The following ERC2 variants were observed in gnomAD, a reference collection of about 807,000 sequenced individuals.
The protein encoded by ERC2 is ERC protein 2.
Under a neutral mutation model 114.8 loss-of-function variants are expected in ERC2, and 42 were observed. The ratio of observed to expected loss-of-function variants is 0.37; its 90% CI spans 0.29 to 0.47. The LOEUF (loss-of-function observed/expected upper bound fraction) is 0.47, where lower values mean the gene tolerates loss of function less well. Among genes scored for constraint, ERC2 ranks in the 20% least tolerant of loss-of-function variants. The pLI is 0.99. For missense variants in ERC2, 939 were observed against 1,150.7 expected (o/e 0.82, Z 2.66); for synonymous variants, 454 against 425.5 (o/e 1.07, Z -0.82).
chr3:56,183,619 C>T (rs2083417735), intron 3 of ERC2, among the ~76,000 whole-genome samples: 2 of 152,230 alleles, frequency 1.3e-5, no homozygotes, highest in African/African-American at 4.8e-5. Flanking sequence ...AATACACTGT[C>T]ACTGGGTCTA....
intron 13 of ERC2, among the ~76,000 whole-genome samples, chr3:55,929,473 A>T (rs964562519): frequency 6.6e-6 from 1 of 152,150 alleles, no homozygotes; most frequent in African/African-American, 2.4e-5. Flanking sequence ...TCTTCCTTGC[A>T]TGCCCACTTT....
chr3:55,941,599 C>T (rs2066800540), intron 13 of ERC2, among the ~76,000 whole-genome samples: 1 of 152,168 alleles, frequency 6.6e-6, no homozygotes, highest in Admixed American at 6.5e-5. Flanking sequence ...CTCAATTTCC[C>T]AGGGAACACA....
intron 15 of ERC2, among the ~76,000 whole-genome samples, chr3:55,704,031 G>T (rs539609752): frequency 2.0e-5 from 3 of 152,268 alleles, no homozygotes; most frequent in African/African-American, 7.2e-5. Context: ...CTAGCGTTTG[G>T]GGGAGCAGGA....
chr3:56,111,356 T>TCTCCCTCAATCTCTCC (rs1251301400), intron 6 of ERC2, among the ~76,000 whole-genome samples: 2 of 151,086 alleles, frequency 1.3e-5, no homozygotes, highest in Non-Finnish European at 3.0e-5. Context: ...TCAATCTCTC[T>TCTCCCTCAATCTCTCC]CTCCCTCAAT....
chr3:55,601,875 G>A (rs368048013), intron 17 of ERC2, among the ~76,000 whole-genome samples: 14 of 152,128 alleles, frequency 9.2e-5, no homozygotes, highest in Admixed American at 7.9e-4. Flanking sequence ...AAAGTCCATC[G>A]GACAGGAACA....
intron 7 of ERC2, among the ~76,000 whole-genome samples, chr3:56,075,512 T>TTTGC (rs1207869225): frequency 6.6e-6 from 1 of 152,216 alleles, no homozygotes; most frequent in East Asian, 1.9e-4. Flanking sequence ...TTGCTTAAGG[T>TTTGC]AGCCAGAAGT....
At chr3:56,028,787 G>A (rs1161303992) in intron 7 of ERC2, among the ~76,000 whole-genome samples, 1 of 151,996 alleles carries the variant, frequency 6.6e-6, no homozygotes, top group Non-Finnish European at 1.5e-5. Flanking sequence ...TTCAAAAAAG[G>A]ATGACACTTT....
intron 14 of ERC2, among the ~76,000 whole-genome samples, chr3:55,827,342 CGGA>C (rs1315398121): frequency 2.1e-5 from 3 of 143,256 alleles, no homozygotes; most frequent in Non-Finnish European, 4.6e-5. Context: ...GAAAGAGGGA[CGGA>C]GGAGGAGATG....
chr3:56,109,505 A>G (rs904900842), intron 6 of ERC2, among the ~76,000 whole-genome samples: 1 of 152,176 alleles, frequency 6.6e-6, no homozygotes, highest in Non-Finnish European at 1.5e-5. Context: ...GTCTTAAAAT[A>G]GACTCTTGAC....
chr3:55,997,080 G>T (rs1406009014), intron 10 of ERC2, among the ~76,000 whole-genome samples: 1 of 152,134 alleles, frequency 6.6e-6, no homozygotes. Context: ...ACAAGGCAGG[G>T]AACATTCAAT....
At chr3:55,861,143 T>C (rs2062010584) in intron 14 of ERC2, among the ~76,000 whole-genome samples, 1 of 152,260 alleles carries the variant, frequency 6.6e-6, no homozygotes, top group Non-Finnish European at 1.5e-5. Flanking sequence ...TAATTAGTTC[T>C]AACTAGATCA....
chr3:56,386,453 C>A (rs1262064236), intron 2 of ERC2, among the ~76,000 whole-genome samples: 1 of 152,118 alleles, frequency 6.6e-6, no homozygotes, highest in Non-Finnish European at 1.5e-5. Flanking sequence ...GCTTCCCAAC[C>A]TGGGCGATCC....
At chr3:55,798,137 A>C (rs1465588892) in intron 14 of ERC2, among the ~76,000 whole-genome samples, 1 of 152,248 alleles carries the variant, frequency 6.6e-6, no homozygotes, top group Non-Finnish European at 1.5e-5. Flanking sequence ...GACTGAAGAC[A>C]CAGAAAGAAG....
chr3:56,129,149 T>A (rs150023994), intron 6 of ERC2, among the ~76,000 whole-genome samples: 277 of 152,338 alleles, frequency 1.8e-3, no homozygotes, highest in South Asian at 0.017. Flanking sequence ...AAAGTATATG[T>A]CTGCATGGAA....
intron 17 of ERC2, among the ~76,000 whole-genome samples, chr3:55,653,555 C>T (rs914547830): frequency 6.8e-6 from 1 of 147,344 alleles, no homozygotes; most frequent in African/African-American, 2.5e-5. Context: ...CAATCTCAAA[C>T]CTGGTAAAAG....
intron 17 of ERC2, among the ~76,000 whole-genome samples, chr3:55,514,936 C>T (rs749638224): frequency 1.3e-5 from 2 of 152,160 alleles, no homozygotes; most frequent in African/African-American, 2.4e-5. Flanking sequence ...AATGCAGCAC[C>T]ACGCTGGGTC....
chr3:56,355,594 C>T (rs761762011), intron 2 of ERC2, among the ~76,000 whole-genome samples: 12 of 152,222 alleles, frequency 7.9e-5, no homozygotes, highest in East Asian at 3.9e-4. Flanking sequence ...TTACAGCGTG[C>T]GCCACGACAC....
At position 55,585,194 on chromosome 3, in the gene ERC2, G is replaced by A. The variant is rs139073660; in HGVS notation, c.*40-73918C>T. On this transcript the variant is annotated intron_variant, in intron 17 of 17. Coordinates refer to ENST00000288221, the MANE Select transcript of ERC2 (RefSeq NM_015576.3). ...GCCTGATCTAAGACAAATAGCACCC[G>A]GTTTGGCCTCCACAGCTGTTTGTGC... Among the ~76,000 whole-genome samples, 281 of 152,278 alleles carry A rather than the reference G, an allele frequency of 1.8e-3. 2 individuals carry two copies. Among genetic ancestry groups the A allele is most frequent in the African/African-American group, 6.3e-3 (260 of 41,562 alleles).
At chr3:56,099,743 G>T (rs2078252652) in intron 6 of ERC2, among the ~76,000 whole-genome samples, 1 of 152,192 alleles carries the variant, frequency 6.6e-6, no homozygotes, top group South Asian at 2.1e-4. Context: ...AGAAAGTGCT[G>T]TTCCTGGTGA....
Sources: allele counts gnomAD v4.1 joint callset (sites outside exome capture counted in the v4.1 genomes callset), GRCh38; gene constraint gnomAD v4.1.1; transcripts MANE v1.5; gene names NCBI Gene and HGNC (gene_info 2026-07-23, HGNC 2026-07-21).